Variants in RABGAP1L observed in about 807,000 individuals in gnomAD.
RABGAP1L encodes the protein RAB GTPase activating protein 1 like.
Under a neutral mutation model 137.7 loss-of-function variants are expected in RABGAP1L, and 63 were observed. The observed-to-expected ratio is 0.46, with a 90% confidence interval of 0.37 to 0.56. RABGAP1L has a LOEUF of 0.56. Among genes scored for constraint, RABGAP1L ranks in the 20% least tolerant of loss-of-function variants. The probability of loss-of-function intolerance (pLI) is 0.00; values close to 1 mark genes in which losing one functional copy is unlikely to be tolerated. For missense variants in RABGAP1L, 1,095 were observed against 1,244.0 expected, an observed-to-expected ratio of 0.88 and a Z score of 1.80; for synonymous variants, 431 against 433.7, an observed-to-expected ratio of 0.99 and a Z score of 0.08.
intron 13 of RABGAP1L, among the ~76,000 whole-genome samples, chr1:174,528,312 T>C (rs1664094371): frequency 6.6e-6 from 1 of 152,192 alleles, no homozygotes; most frequent in South Asian, 2.1e-4. Flanking sequence ...TTTAAACATT[T>C]GCGTATTTTC....
At chr1:174,417,897 CTG>C (rs1280020246) in intron 13 of RABGAP1L, among the ~76,000 whole-genome samples, 1 of 152,120 alleles carries the variant, frequency 6.6e-6, no homozygotes, top group South Asian at 2.1e-4. Context: ...AATAATGTGT[CTG>C]TGATTTCTAA....
chr1:174,357,121 C>T (rs1033287031), intron 11 of RABGAP1L, among the ~76,000 whole-genome samples: 3 of 152,084 alleles, frequency 2.0e-5, no homozygotes, highest in Non-Finnish European at 4.4e-5. Flanking sequence ...GGAGACTTCA[C>T]CAAATTCTGC....
rs142148828 is a variant in RABGAP1L at position 174,851,644 on chromosome 1, G to A, written c.2340+39684G>A. Among the ~76,000 whole-genome samples, 182 of 151,042 alleles carry A rather than the reference G, an allele frequency of 1.2e-3. 1 individual carries two copies. Among genetic ancestry groups the A allele is most frequent in the African/African-American group, 4.1e-3 (170 of 41,114 alleles). On this transcript the variant is annotated intron_variant, in intron 19 of 25. Transcript: ENST00000681986. ...TCTTCCCATCTCAGTCTCCTGAGTAGCTTGGCTACAGACACGCACCACCAT... is the reference window on the plus strand; with the variant it reads ...TCTTCCCATCTCAGTCTCCTGAGTAACTTGGCTACAGACACGCACCACCAT...
chr1:174,671,845 T>A (rs931752275), intron 14 of RABGAP1L, among the ~76,000 whole-genome samples: 13 of 152,202 alleles, frequency 8.5e-5, no homozygotes, highest in Admixed American at 5.2e-4. Context: ...TAATTCTTCC[T>A]CTTCAATTAT....
intron 11 of RABGAP1L, among the ~76,000 whole-genome samples, chr1:174,353,263 G>C (rs1283226053): frequency 6.6e-6 from 1 of 152,072 alleles, no homozygotes; most frequent in Non-Finnish European, 1.5e-5. Context: ...TTGCTCAGCT[G>C]GTATTTAAGT....
At chr1:174,481,628 C>T (rs1659093965) in intron 13 of RABGAP1L, among the ~76,000 whole-genome samples, 1 of 152,070 alleles carries the variant, frequency 6.6e-6, no homozygotes, top group Non-Finnish European at 1.5e-5. Context: ...TTCTTAACTA[C>T]TCTAGCAGAT....
At chr1:174,607,330 T>G (rs1445594741) in intron 13 of RABGAP1L, among the ~76,000 whole-genome samples, 2 of 152,154 alleles carry the variant, frequency 1.3e-5, no homozygotes, top group Admixed American at 6.5e-5. Context: ...CCCCCATCAC[T>G]TTGCCAAAGT....
chr1:174,900,319 G>C (rs1306296535), intron 19 of RABGAP1L, among the ~76,000 whole-genome samples: 4 of 152,202 alleles, frequency 2.6e-5, no homozygotes, highest in Non-Finnish European at 5.9e-5. Context: ...ATTTTCTGGA[G>C]TTTCAATACT....
chr1:174,343,033 C>G (rs1261380966), intron 11 of RABGAP1L, among the ~76,000 whole-genome samples: 1 of 151,284 alleles, frequency 6.6e-6, no homozygotes, highest in East Asian at 1.9e-4. Flanking sequence ...GCCACTGCAC[C>G]TAGCCAGAAA....
chr1:174,187,272 A>G (rs765116733), intron 1 of RABGAP1L, among the ~76,000 whole-genome samples: 9 of 151,598 alleles, frequency 5.9e-5, no homozygotes, highest in Non-Finnish European at 1.0e-4. Flanking sequence ...TACCTGCCAA[A>G]TGTGGCAGGT....
chr1:174,958,324 T>A, intron 20 of RABGAP1L: 1 of 723,028 alleles, frequency 1.4e-6, no homozygotes, highest in South Asian at 1.9e-5. Flanking sequence ...TCTTCAATGG[T>A]AATTAGCAAC....
intron 18 of RABGAP1L, chr1:174,799,930 GCACACACACACACACACACACACACACA>G (rs35178655): frequency 3.7e-4 from 356 of 972,196 alleles, no homozygotes; most frequent in South Asian, 1.5e-3. Flanking sequence ...ACCCTTTCTC[GCACACACACACACACACACACACACACA>G]CACACACACA....
Position 174,618,237 on chromosome 1 carries a change from G to A in RABGAP1L, c.1711-19138G>A, listed in dbSNP as rs754336011. Reference sequence around the variant, plus strand: ...GGGGGCACAGCATAGCCAAACAAAAGGCAGCAGATTCCTCAGCAGACTTAA... The same window carrying A: ...GGGGGCACAGCATAGCCAAACAAAAAGCAGCAGATTCCTCAGCAGACTTAA... On this transcript the variant is annotated intron_variant, in intron 13 of 25. Transcript: ENST00000681986. 7.1e-4 allele frequency among the ~76,000 whole-genome samples: 108 copies of A among 152,302 alleles called. 1 individual carries two copies. Among genetic ancestry groups the A allele is most frequent in the Non-Finnish European group, 1.2e-3 (85 of 68,028 alleles).
intron 13 of RABGAP1L, among the ~76,000 whole-genome samples, chr1:174,437,440 G>A (rs892239527): frequency 2.0e-5 from 3 of 152,164 alleles, no homozygotes; most frequent in African/African-American, 4.8e-5. Flanking sequence ...CTCAGTAACC[G>A]ATTCGATCAA....
intron 19 of RABGAP1L, among the ~76,000 whole-genome samples, chr1:174,881,007 T>G (rs185351783): frequency 2.0e-5 from 3 of 152,228 alleles, no homozygotes; most frequent in African/African-American, 7.2e-5. Context: ...CAGTGATGGC[T>G]GAAGAGGTGG....
intron 18 of RABGAP1L, among the ~76,000 whole-genome samples, chr1:174,781,726 C>T (rs930138677): frequency 1.3e-5 from 2 of 152,118 alleles, no homozygotes; most frequent in African/African-American, 4.8e-5. Context: ...TTTAATCCAT[C>T]TTGAATTAAT....
chr1:174,924,951 G>A (rs1397268148), intron 19 of RABGAP1L, among the ~76,000 whole-genome samples: 1 of 152,178 alleles, frequency 6.6e-6, no homozygotes, highest in African/African-American at 2.4e-5. Context: ...AGAGTGCAGT[G>A]TTAAATAGGG....
intron 7 of RABGAP1L, among the ~76,000 whole-genome samples, chr1:174,252,818 A>G (rs972055405): frequency 7.2e-5 from 11 of 152,252 alleles, no homozygotes. Flanking sequence ...CATAACTGCT[A>G]CAACTGGGTT....
intron 19 of RABGAP1L, among the ~76,000 whole-genome samples, chr1:174,815,491 C>CT (rs200111490): frequency 6.6e-6 from 1 of 152,106 alleles, no homozygotes; most frequent in African/African-American, 2.4e-5. Context: ...ATAGTTGTGT[C>CT]TTTTTTGAAT....
Sources: allele counts gnomAD v4.1 joint callset (sites outside exome capture counted in the v4.1 genomes callset), GRCh38; gene constraint gnomAD v4.1.1; transcripts MANE v1.5; gene names NCBI Gene and HGNC (gene_info 2026-07-23, HGNC 2026-07-21).